CHCHD6: variants seen among roughly 807,000 people sequenced by gnomAD.
The protein encoded by CHCHD6 is MICOS complex subunit MIC25.
Under a neutral mutation model 32.3 loss-of-function variants are expected in CHCHD6, and 28 were observed. That is an observed-to-expected ratio of 0.87 (90% CI 0.64 to 1.19). CHCHD6 has a LOEUF of 1.19. Among genes scored for constraint, CHCHD6 ranks in the 50% most tolerant of loss-of-function variants. CHCHD6 has a pLI of 0.00. For missense variants in CHCHD6, 333 were observed against 307.0 expected, an observed-to-expected ratio of 1.08 and a Z score of -0.63; for synonymous variants, 122 against 117.5, an observed-to-expected ratio of 1.04 and a Z score of -0.25.
At chr3:126,753,535 A>G (rs779326678) in intron 4 of CHCHD6, among the ~76,000 whole-genome samples, 4 of 152,202 alleles carry the variant, frequency 2.6e-5, no homozygotes, top group Non-Finnish European at 5.9e-5. Flanking sequence ...GGGCCTCTGT[A>G]GAAGTGGCAT....
intron 5 of CHCHD6, among the ~76,000 whole-genome samples, chr3:126,877,173 G>A (rs987448317): frequency 6.6e-6 from 1 of 152,198 alleles, no homozygotes; most frequent in Admixed American, 6.5e-5. Context: ...TACTCATAGC[G>A]GGGAATGGGG....
intron 7 of CHCHD6, among the ~76,000 whole-genome samples, chr3:126,958,834 G>A (rs2078822966): frequency 6.6e-6 from 1 of 152,146 alleles, no homozygotes; most frequent in Non-Finnish European, 1.5e-5. Flanking sequence ...GGGTAGGCTG[G>A]GCCAGACCAG....
At chr3:126,811,924 G>A (rs1402533790) in intron 4 of CHCHD6, among the ~76,000 whole-genome samples, 4 of 152,146 alleles carry the variant, frequency 2.6e-5, no homozygotes, top group Admixed American at 1.3e-4. Flanking sequence ...TTGTTTTCAC[G>A]TAGCCATGCA....
chr3:126,865,864 T>G (rs962458311), intron 5 of CHCHD6: 2 of 576,562 alleles, frequency 3.5e-6, no homozygotes, highest in Non-Finnish European at 4.4e-6. Context: ...TCTTGCACTC[T>G]AGAGAGGCTG....
chr3:126,787,531 G>A (rs1938278987), intron 4 of CHCHD6, among the ~76,000 whole-genome samples: 1 of 152,186 alleles, frequency 6.6e-6, no homozygotes, highest in South Asian at 2.1e-4. Context: ...TCCTTGAAGA[G>A]GTCCTTCACA....
Position 126,733,201 on chromosome 3 carries a change from G to T in CHCHD6, c.390G>T (p.Glu130Asp). 6.2e-7 allele frequency: 1 copy of T among 1,614,092 alleles called. No individual in the cohort carries two copies. The highest frequency in any genetic ancestry group is 8.5e-7 in the Non-Finnish European group (1 of 1,179,986). Residue 130 changes from glutamate (E) to aspartate (D), a missense_variant, in exon 4 of 8, where the codon GAG becomes GAT. Glu to Asp is a conservative substitution (Grantham distance 45). Coordinates refer to ENST00000290913, the MANE Select transcript of CHCHD6 (RefSeq NM_032343.3). ...CGGGCGAAGGCAGCATCAGCCATGA[G>T]GAGCAGAAGTCAGTCCGGCTGGTGA... is the stretch of plus-strand genomic sequence containing the variant. ...LPTGEGSISHEEQKSVRLARE... is the reference protein window; with the variant it reads ...LPTGEGSISHDEQKSVRLARE...
At chr3:126,790,502 C>T (rs1276410213) in intron 4 of CHCHD6, among the ~76,000 whole-genome samples, 5 of 152,182 alleles carry the variant, frequency 3.3e-5, no homozygotes, top group Non-Finnish European at 5.9e-5. Flanking sequence ...TCCCATATTT[C>T]TTGGAGGCTT....
chr3:126,853,100 C>T (rs1014001209), intron 5 of CHCHD6, among the ~76,000 whole-genome samples: 9 of 151,964 alleles, frequency 5.9e-5, no homozygotes, highest in South Asian at 2.1e-4. Flanking sequence ...ATAATAATAA[C>T]GTGATGTCTT....
intron 4 of CHCHD6, among the ~76,000 whole-genome samples, chr3:126,787,091 C>T (rs1177351380): frequency 2.0e-5 from 3 of 152,154 alleles, no homozygotes; most frequent in Non-Finnish European, 2.9e-5. Flanking sequence ...AATCCTTTCC[C>T]CATTTCTTGT....
At chr3:126,712,140 G>A (rs1934776950) in intron 1 of CHCHD6, among the ~76,000 whole-genome samples, 1 of 152,210 alleles carries the variant, frequency 6.6e-6, no homozygotes, top group Non-Finnish European at 1.5e-5. Context: ...TCCCGCTGGT[G>A]CGTTCCATTT....
At chr3:126,729,813 T>A (rs1935703684) in intron 2 of CHCHD6, among the ~76,000 whole-genome samples, 1 of 152,078 alleles carries the variant, frequency 6.6e-6, no homozygotes, top group Non-Finnish European at 1.5e-5. Flanking sequence ...TGCTGGTGCA[T>A]AGAACCCTGT....
At chr3:126,858,774 T>A (rs1170974562) in intron 5 of CHCHD6, among the ~76,000 whole-genome samples, 1 of 152,180 alleles carries the variant, frequency 6.6e-6, no homozygotes, top group African/African-American at 2.4e-5. Flanking sequence ...TCTGAGTACC[T>A]CCTCTTCTGA....
rs770264024 is a variant in CHCHD6, at chr3:126,804,749, AAAG to A, written c.412-47896_412-47894del. Among the ~76,000 whole-genome samples, 57 of 152,362 alleles carry A rather than the reference AAAG, an allele frequency of 3.7e-4. 1 individual carries two copies. In the South Asian group the frequency reaches 0.011, roughly 30 times the overall value. On this transcript the variant is annotated intron_variant, in intron 4 of 7. Transcript: ENST00000290913. ...AAGCCTGGCAGAGACACAACAAAAAAAAGAGAATTTTAGACCAATATCCTTGAT... is the reference window on the plus strand; with the variant it reads ...AAGCCTGGCAGAGACACAACAAAAAAAGAATTTTAGACCAATATCCTTGAT...
chr3:126,756,045 T>G (rs1379836997), intron 4 of CHCHD6, among the ~76,000 whole-genome samples: 3 of 152,130 alleles, frequency 2.0e-5, no homozygotes, highest in Non-Finnish European at 4.4e-5. Context: ...TGTGCAGGGC[T>G]CGGAGAGAAT....
At chr3:126,863,243 T>C (rs1488126888) in intron 5 of CHCHD6, among the ~76,000 whole-genome samples, 6 of 71,598 alleles carry the variant, frequency 8.4e-5, no homozygotes, top group Non-Finnish European at 1.5e-4. Flanking sequence ...TCCTCCACCA[T>C]CACCACCTCC....
intron 5 of CHCHD6, among the ~76,000 whole-genome samples, chr3:126,866,795 C>T (rs1423764376): frequency 6.6e-6 from 1 of 152,182 alleles, no homozygotes; most frequent in South Asian, 2.1e-4. Flanking sequence ...CATGCAAACC[C>T]CAGTGACCAT....
At position 126,825,376 on chromosome 3, in the gene CHCHD6, C is replaced by T. The variant is rs527437872; in HGVS notation, c.412-27271C>T. Reference sequence around the variant, plus strand: ...AATGTTCCATTGCGCTTGAAAGTAACGTGATTTTGTTTTTACAGTTGTTGG... The same window carrying T: ...AATGTTCCATTGCGCTTGAAAGTAATGTGATTTTGTTTTTACAGTTGTTGG... On this transcript the variant is annotated intron_variant, in intron 4 of 7. Transcript: ENST00000290913. Among the ~76,000 whole-genome samples the T allele has an allele frequency of 7.2e-5, 11 of 152,114 alleles. No homozygotes were observed. The South Asian group carries it at 1.2e-3, about 17-fold the overall frequency.
intron 5 of CHCHD6, among the ~76,000 whole-genome samples, chr3:126,914,324 G>C (rs572082912): frequency 6.6e-6 from 1 of 152,308 alleles, no homozygotes; most frequent in South Asian, 2.1e-4. Flanking sequence ...CCTCAACTCT[G>C]CCATTGTAGC....
chr3:126,823,649 A>G (rs1207349301), intron 4 of CHCHD6, among the ~76,000 whole-genome samples: 3 of 152,172 alleles, frequency 2.0e-5, no homozygotes, highest in Admixed American at 2.0e-4. Context: ...TAAAAGTCCT[A>G]TCAATTTTAC....
Sources: gnomAD v4.1 joint callset for allele counts (sites outside exome capture counted in the v4.1 genomes callset) on GRCh38, gnomAD v4.1.1 for gene constraint, MANE v1.5 for transcripts, NCBI Gene and HGNC (gene_info 2026-07-23, HGNC 2026-07-21) for gene names.